OSMR: variants seen among roughly 807,000 people sequenced by gnomAD.
The protein encoded by OSMR is oncostatin M receptor.
A neutral mutation model predicts 99.9 loss-of-function variants in OSMR; 81 were observed. The observed-to-expected ratio is 0.81, with a 90% CI of 0.68 to 0.97. The LOEUF is 0.97. Ranked by LOEUF, OSMR falls within the 50% of genes least tolerant of loss-of-function variation. The probability of loss-of-function intolerance (pLI) is 0.00; values close to 1 mark genes in which losing one functional copy is unlikely to be tolerated. For missense variants in OSMR, 1,099 were observed against 1,153.4 expected (o/e 0.95, Z 0.68); for synonymous variants, 406 against 410.4 (o/e 0.99, Z 0.13).
chr5:38,941,091 A>G (rs904703144), intron 1 of OSMR: 4 of 232,814 alleles, frequency 1.7e-5, no homozygotes, highest in Non-Finnish European at 3.4e-5. Context: ...TAATTCCTGT[A>G]AAAAGTTCCA....
At chr5:38,938,803 G>A (rs1397613789), downstream of OSMR, 2 of 232,926 alleles carry the variant, frequency 8.6e-6, no homozygotes, top group Non-Finnish European at 1.7e-5. Flanking sequence ...GATAGTAACA[G>A]TGTATTTTGT....
intron 15 of OSMR, among the ~76,000 whole-genome samples, chr5:38,929,025 T>C (rs1485234779): frequency 6.6e-6 from 1 of 152,178 alleles, no homozygotes; most frequent in Non-Finnish European, 1.5e-5. Flanking sequence ...TATTATTATT[T>C]GAAAGAAAAT....
chr5:38,855,084 G>A (rs981961884), intron 1 of OSMR, among the ~76,000 whole-genome samples: 2 of 152,158 alleles, frequency 1.3e-5, no homozygotes, highest in Non-Finnish European at 2.9e-5. Context: ...CTGTGTCGGG[G>A]CTGCAGGGGC....
At chr5:38,903,605 T>C (rs1318278949) in intron 7 of OSMR, 1 of 186,146 alleles carries the variant, frequency 5.4e-6, no homozygotes. Flanking sequence ...TTCTCCAAGT[T>C]TTGACTCCCC....
At chr5:38,910,662 G>A (rs72732729) in intron 9 of OSMR, among the ~76,000 whole-genome samples, 24,166 of 152,034 alleles carry the variant, frequency 0.16, 2,031 homozygotes, top group Middle Eastern at 0.26. Flanking sequence ...TGAAATTAAT[G>A]AGAAGAAAGA....
Position 38,908,041 on chromosome 5 carries a change from C to T in OSMR, c.1285+3538C>T, listed in dbSNP as rs546175002. 1.4e-4 allele frequency among the ~76,000 whole-genome samples: 21 copies of T among 152,100 alleles called. No individual in the cohort carries two copies. In the South Asian group the frequency reaches 3.9e-3, roughly 29 times the overall value. ...CGTGAATGTGTGCATGGCCCCACAA[C>T]CCCCCCAACACCATCACTGGCACAA... On this transcript the variant is annotated intron_variant, in intron 9 of 17. Transcript: ENST00000274276.
intron 1 of OSMR, among the ~76,000 whole-genome samples, chr5:38,859,876 A>G (rs1328510001): frequency 6.6e-6 from 1 of 152,004 alleles, no homozygotes; most frequent in Non-Finnish European, 1.5e-5. Context: ...TATCTTTTTC[A>G]ATCAGTTTGT....
rs763317220 is a variant in OSMR at position 38,921,649 on chromosome 5, G to A, written c.1620G>A (p.Glu540=). 1.2e-6 allele frequency: 2 copies of A among 1,614,154 alleles called. No individual in the cohort carries two copies. The highest frequency in any genetic ancestry group is 8.5e-7 in the Non-Finnish European group (1 of 1,180,002). ...EVEEERIAGT[E]GGFSLSWKPQ... ...AGGAAGAAAGAATTGCAGGCACAGA[G>A]GGTGGATTCTCTCTGTCTTGGAAAC... is the stretch of plus-strand genomic sequence containing the variant. Residue 540 remains glutamate, a synonymous_variant, in exon 12 of 18, where the codon GAG becomes GAA. Coordinates refer to ENST00000274276, the MANE Select transcript of OSMR (RefSeq NM_003999.3).
intron 15 of OSMR, among the ~76,000 whole-genome samples, chr5:38,928,751 C>CTA (rs1746586411): frequency 6.6e-6 from 1 of 152,086 alleles, no homozygotes; most frequent in Admixed American, 6.5e-5. Context: ...GAAACATGTC[C>CTA]CTAGGTTTCC....
At chr5:38,856,313 G>A (rs1018141304) in intron 1 of OSMR, among the ~76,000 whole-genome samples, 2 of 152,180 alleles carry the variant, frequency 1.3e-5, no homozygotes, top group African/African-American at 4.8e-5. Context: ...GTTGATTCCT[G>A]TTCTGCACGT....
At chr5:38,912,402 A>G (rs2112593435) in intron 9 of OSMR, among the ~76,000 whole-genome samples, 1 of 152,306 alleles carries the variant, frequency 6.6e-6, no homozygotes, top group East Asian at 1.9e-4. Context: ...GAACTAGAAA[A>G]CACTGCTGAA....
At chr5:38,880,713 T>C (rs1743211089) in intron 3 of OSMR, among the ~76,000 whole-genome samples, 1 of 151,848 alleles carries the variant, frequency 6.6e-6, no homozygotes, top group Non-Finnish European at 1.5e-5. Context: ...TATCCAGAAG[T>C]GTGGGGGAGG....
At chr5:38,854,096 T>C (rs940845120) in intron 1 of OSMR, among the ~76,000 whole-genome samples, 7 of 151,024 alleles carry the variant, frequency 4.6e-5, no homozygotes, top group Non-Finnish European at 8.8e-5. Context: ...CCGCAAGAAG[T>C]AGCATTCAAC....
intron 9 of OSMR, among the ~76,000 whole-genome samples, chr5:38,915,291 G>A (rs1745829543): frequency 6.6e-6 from 1 of 152,166 alleles, no homozygotes; most frequent in Non-Finnish European, 1.5e-5. Context: ...ACAGCACTGG[G>A]ATATGTATTT....
intron 7 of OSMR, among the ~76,000 whole-genome samples, chr5:38,890,978 A>AAATG (rs1361622615): frequency 6.6e-5 from 10 of 152,196 alleles, no homozygotes; most frequent in African/African-American, 2.2e-4. Context: ...TCTCCAGACC[A>AAATG]AATGAATCCT....
chr5:38,915,395 T>A (rs2112613051), intron 9 of OSMR, among the ~76,000 whole-genome samples: 1 of 152,318 alleles, frequency 6.6e-6, no homozygotes. Flanking sequence ...AAATAAAGTT[T>A]GTGATTTGGC....
intron 9 of OSMR, among the ~76,000 whole-genome samples, chr5:38,906,785 C>T (rs1745265478): frequency 6.6e-6 from 1 of 152,100 alleles, no homozygotes; most frequent in Non-Finnish European, 1.5e-5. Flanking sequence ...TAGAGAGATA[C>T]ATTTTAATGT....
rs200209724 is a variant in OSMR at position 38,890,601 on chromosome 5, T to C, written c.991+4411T>C. Among the ~76,000 whole-genome samples, 19 of 136,926 alleles carry C rather than the reference T, an allele frequency of 1.4e-4. No homozygotes were observed. The East Asian group carries it at 5.9e-3, about 43-fold the overall frequency. 89.8% of individuals were successfully genotyped at this position (136,926 alleles called of 152,430 possible). A position where few individuals can be genotyped will look rare whatever the true frequency, so the allele number is the denominator to read the frequency against. On this transcript the variant is annotated intron_variant, in intron 7 of 17. Transcript: ENST00000274276. ...GAGCTGTTGTAATTTGAAAGCCCCCTCTTTTTTTTTTTTTTGTCTTATCTT... is the reference window on the plus strand; with the variant it reads ...GAGCTGTTGTAATTTGAAAGCCCCCCCTTTTTTTTTTTTTTGTCTTATCTT...
chr5:38,944,926 T>C (rs1748008085), intron 2 of OSMR: 2 of 1,614,036 alleles, frequency 1.2e-6, no homozygotes, highest in Non-Finnish European at 1.7e-6. Context: ...GTAACAATTC[T>C]GTGCTTTTGG....
Sources: allele counts gnomAD v4.1 joint callset (sites outside exome capture counted in the v4.1 genomes callset), GRCh38; gene constraint gnomAD v4.1.1; transcripts MANE v1.5; gene names NCBI Gene and HGNC (gene_info 2026-07-23, HGNC 2026-07-21).